Variants in RBFOX1 observed in about 807,000 individuals in gnomAD.
The protein encoded by RBFOX1 is RNA binding protein fox-1 homolog 1.
Under a neutral mutation model 57.7 loss-of-function variants are expected in RBFOX1, and 8 were observed. The ratio of observed to expected loss-of-function variants is 0.14; its 90% confidence interval spans 0.08 to 0.25. The LOEUF (loss-of-function observed/expected upper bound fraction) is 0.25. RBFOX1 is among the 10% of genes least tolerant of loss of function. The pLI is 1.00. For missense variants in RBFOX1, 611 were observed against 548.5 expected, an observed-to-expected ratio of 1.11 and a Z score of -1.14; for synonymous variants, 326 against 222.4, an observed-to-expected ratio of 1.47 and a Z score of -4.15.
At chr16:5,503,046 G>T (rs1029351410) in intron 2 of RBFOX1, among the ~76,000 whole-genome samples, 6 of 152,218 alleles carry the variant, frequency 3.9e-5, no homozygotes, top group African/African-American at 1.4e-4. Context: ...GATGCCCCAT[G>T]CAAGTGTGGA....
At chr16:6,698,294 C>G (rs1490454356) in intron 3 of RBFOX1, among the ~76,000 whole-genome samples, 2 of 152,174 alleles carry the variant, frequency 1.3e-5, no homozygotes, top group South Asian at 2.1e-4. Context: ...ATTTGTACAT[C>G]TAAACCAGTC....
intron 3 of RBFOX1, among the ~76,000 whole-genome samples, chr16:6,868,852 A>G (rs547903704): frequency 1.3e-5 from 2 of 152,296 alleles, no homozygotes; most frequent in East Asian, 3.9e-4. Flanking sequence ...TACTTTGACT[A>G]ATGAAATATG....
At chr16:5,365,744 G>C (rs900414038) in intron 1 of RBFOX1, 2 of 449,892 alleles carry the variant, frequency 4.4e-6, no homozygotes, top group African/African-American at 4.0e-5. Flanking sequence ...TTGAGCAGTG[G>C]TCATTTATCT....
At chr16:6,626,716 C>T (rs2154052633) in intron 2 of RBFOX1, among the ~76,000 whole-genome samples, 1 of 152,106 alleles carries the variant, frequency 6.6e-6, no homozygotes, top group East Asian at 1.9e-4. Flanking sequence ...GCCAAGATTG[C>T]ACCACAGCAC....
chr16:6,303,360 C>G (rs1004407193), intron 1 of RBFOX1, among the ~76,000 whole-genome samples: 1 of 151,720 alleles, frequency 6.6e-6, no homozygotes. Flanking sequence ...AAAATCGAGG[C>G]CTACAGAGTG....
At chr16:7,461,791 G>C (rs1422609788) in intron 4 of RBFOX1, among the ~76,000 whole-genome samples, 1 of 147,048 alleles carries the variant, frequency 6.8e-6, no homozygotes, top group African/African-American at 2.6e-5. Flanking sequence ...TGGCATTAGA[G>C]CTTACAGCAG....
At chr16:5,343,397 C>T (rs2065074820) in intron 1 of RBFOX1, among the ~76,000 whole-genome samples, 1 of 148,202 alleles carries the variant, frequency 6.7e-6, no homozygotes, top group African/African-American at 2.5e-5. Flanking sequence ...TCACTGCAAG[C>T]TCTATCTCCC....
At chr16:5,917,729 C>G (rs368380791) in intron 4 of RBFOX1, among the ~76,000 whole-genome samples, 54 of 152,338 alleles carry the variant, frequency 3.5e-4, no homozygotes, top group African/African-American at 1.3e-3. Context: ...CTCTCCCTTG[C>G]TTCACCACGT....
At chr16:6,870,796 A>C (rs1207011686) in intron 3 of RBFOX1, among the ~76,000 whole-genome samples, 1 of 152,186 alleles carries the variant, frequency 6.6e-6, no homozygotes, top group Admixed American at 6.5e-5. Context: ...ACTAGCAACT[A>C]ATTTATGAGG....
In RBFOX1 at chr16:5,971,002, A is replaced by G. The variant is rs569850625; in HGVS notation, c.351+103667A>G. Among the ~76,000 whole-genome samples the G allele has an allele frequency of 6.6e-5, 10 of 152,322 alleles. No homozygotes were observed. In the South Asian group the frequency reaches 1.7e-3, roughly 25 times the overall value. On this transcript the variant is annotated intron_variant, in intron 4 of 19. Coordinates refer to the RBFOX1 transcript ENST00000641259. Reference sequence around the variant, plus strand: ...TCTCATTCCACAAGGAGACATCTCTATCCTGTCTTGCTATGTGTCCATACC... The same window carrying G: ...TCTCATTCCACAAGGAGACATCTCTGTCCTGTCTTGCTATGTGTCCATACC...
intron 3 of RBFOX1, among the ~76,000 whole-genome samples, chr16:6,752,734 T>G (rs901632981): frequency 2.0e-5 from 3 of 152,192 alleles, no homozygotes; most frequent in Non-Finnish European, 2.9e-5. Flanking sequence ...TTCAAAACTT[T>G]CCTATCCCCC....
chr16:5,835,383 C>T (rs117679906), intron 3 of RBFOX1, among the ~76,000 whole-genome samples: 56 of 152,338 alleles, frequency 3.7e-4, no homozygotes, highest in East Asian at 1.9e-3. Flanking sequence ...TTGTAGAAAA[C>T]GGTGCTACAC....
chr16:6,702,024 C>G (rs564359010), intron 3 of RBFOX1, among the ~76,000 whole-genome samples: 8 of 151,402 alleles, frequency 5.3e-5, no homozygotes, highest in African/African-American at 2.0e-4. Context: ...ACAAAATAAT[C>G]TGTACACCAT....
chr16:6,549,823 A>G (rs570490189), intron 2 of RBFOX1, among the ~76,000 whole-genome samples: 2 of 152,222 alleles, frequency 1.3e-5, no homozygotes, highest in South Asian at 4.2e-4. Context: ...AAAAGATTTT[A>G]GGTCGATCCT....
chr16:6,913,688 TGCCTAGCTGG>T (rs1217902365), intron 3 of RBFOX1, among the ~76,000 whole-genome samples: 3 of 152,184 alleles, frequency 2.0e-5, no homozygotes, highest in Admixed American at 1.3e-4. Flanking sequence ...CCTGGCTCCT[TGCCTAGCTGG>T]GCCAGGCTCT....
intron 2 of RBFOX1, among the ~76,000 whole-genome samples, chr16:6,462,560 T>C (rs2094944181): frequency 6.6e-6 from 1 of 152,230 alleles, no homozygotes; most frequent in Non-Finnish European, 1.5e-5. Flanking sequence ...TCTGCCAAAA[T>C]AAGCATTGCT....
At chr16:6,675,788 G>T (rs1008434141) in intron 3 of RBFOX1, among the ~76,000 whole-genome samples, 1 of 152,046 alleles carries the variant, frequency 6.6e-6, no homozygotes. Flanking sequence ...GAACAGTATG[G>T]GAAAACCACT....
chr16:7,582,390 G>C lies in RBFOX1; in HGVS notation c.414+2470G>C, dbSNP rs180701518. Among the ~76,000 whole-genome samples the C allele has an allele frequency of 1.0e-3, 156 of 152,214 alleles. 3 individuals carry two copies. The highest frequency in any genetic ancestry group is 4.3e-4 in the Non-Finnish European group (29 of 68,008). On this transcript the variant is annotated intron_variant, in intron 6 of 15. Transcript: ENST00000550418. ...GTAAATTTTGTCTATAAAAGTGCCA[G>C]GAACATACAGATTCATAGACCCCCT...
At chr16:6,895,434 GTGTGTGTGTGTGTGTATATATATATA>G (rs1365876095) in intron 3 of RBFOX1, among the ~76,000 whole-genome samples, 4 of 91,664 alleles carry the variant, frequency 4.4e-5, no homozygotes, top group Non-Finnish European at 9.1e-5. Flanking sequence ...GTGTGTGTGT[GTGTGTGTGTGTGTGTATATATATATA>G]TATATATATA....
Sources: allele counts gnomAD v4.1 joint callset (sites outside exome capture counted in the v4.1 genomes callset), GRCh38; gene constraint gnomAD v4.1.1; transcripts MANE v1.5; gene names NCBI Gene and HGNC (gene_info 2026-07-23, HGNC 2026-07-21).